The following ME2 variants were observed in gnomAD, a reference collection of about 807,000 sequenced individuals.
The protein encoded by ME2 is malic enzyme 2, also known as NAD-dependent malic enzyme, mitochondrial.
A neutral mutation model predicts 73.7 loss-of-function variants in ME2; 60 were observed. The ratio of observed to expected loss-of-function variants is 0.81; its 90% CI spans 0.66 to 1.01. ME2 has a LOEUF of 1.01. Ranked by LOEUF, ME2 falls within the 50% of genes least tolerant of loss-of-function variation. ME2 has a pLI of 0.00. For synonymous variants in ME2, 199 were observed against 236.9 expected, an observed-to-expected ratio of 0.84 and a Z score of 1.47; for missense variants, 594 against 705.5, an observed-to-expected ratio of 0.84 and a Z score of 1.79.
chr18:50,921,030 C>T (rs374921389), intron 9 of ME2, 44 bp from the exon 10 acceptor site: 1 of 929,732 alleles, frequency 1.1e-6, no homozygotes, highest in African/African-American at 1.7e-5. Context: ...TCAAGCATTG[C>T]ATCGTACTCT....
chr18:50,926,188 T>A (rs1917548185), intron 12 of ME2, among the ~76,000 whole-genome samples: 1 of 152,192 alleles, frequency 6.6e-6, no homozygotes, highest in Non-Finnish European at 1.5e-5. Flanking sequence ...TTATTCAGAT[T>A]TACCTACACT....
intron 2 of ME2, among the ~76,000 whole-genome samples, chr18:50,897,754 G>A (rs1916781351): frequency 6.6e-6 from 1 of 152,140 alleles, no homozygotes; most frequent in African/African-American, 2.4e-5. Context: ...CAGCTACTTG[G>A]GAGGCTGAGG....
At chr18:50,941,086 C>T (rs754500293) in intron 15 of ME2, among the ~76,000 whole-genome samples, 11 of 151,250 alleles carry the variant, frequency 7.3e-5, no homozygotes, top group East Asian at 2.0e-4. Flanking sequence ...GGTGAAACCC[C>T]GTCTCTACTA....
At chr18:50,884,923 C>T (rs780368484) in intron 1 of ME2, among the ~76,000 whole-genome samples, 6 of 152,004 alleles carry the variant, frequency 3.9e-5, no homozygotes, top group Non-Finnish European at 7.4e-5. Flanking sequence ...GGTGCAATCT[C>T]GGCTCACTGC....
Position 50,924,143 on chromosome 18 carries a change from T to C in ME2, c.1102T>C (p.Ser368Pro). 1 of 1,613,498 alleles carries C rather than the reference T, an allele frequency of 6.2e-7. No homozygotes were observed. Among genetic ancestry groups the C allele is most frequent in the Non-Finnish European group, 8.5e-7 (1 of 1,179,668 alleles). Residue 368 changes from serine (S) to proline (P), a missense_variant, in exon 11 of 16, where the codon TCA becomes CCA. Transcript: ENST00000321341. ...IDSYQEPFTH[S>P]APESIPDTFE... Reference sequence around the variant, plus strand: ...TAGTTATCAGGAACCATTTACTCACTCAGCCCCAGAGAGCATACCTGATAC... The same window carrying C: ...TAGTTATCAGGAACCATTTACTCACCCAGCCCCAGAGAGCATACCTGATAC...
chr18:50,926,970 A>G (rs887725530), intron 12 of ME2, among the ~76,000 whole-genome samples: 2 of 152,144 alleles, frequency 1.3e-5, no homozygotes, highest in African/African-American at 4.8e-5. Flanking sequence ...CTTCACCATC[A>G]GTGTTTGTCT....
chr18:50,883,295 C>G (rs1290484121), intron 1 of ME2, among the ~76,000 whole-genome samples: 2 of 152,194 alleles, frequency 1.3e-5, no homozygotes, highest in Non-Finnish European at 2.9e-5. Flanking sequence ...TGAGCTCTTT[C>G]TAGTGAACAG....
rs1278918280 is a variant in ME2, at chr18:50,925,915, G to C, written c.1314+17G>C. 5 of 1,548,660 alleles carry C rather than the reference G, an allele frequency of 3.2e-6. No individual in the cohort carries two copies. The highest frequency in any genetic ancestry group is 1.7e-4 in the Middle Eastern group (1 of 5,934). ...CTTACAGAGGTATTAATAATCACATGAATTGATATGTATATTATTTTCCCT... is the reference window on the plus strand; with the variant it reads ...CTTACAGAGGTATTAATAATCACATCAATTGATATGTATATTATTTTCCCT... On this transcript the variant is annotated intron_variant, in intron 12 of 15. Transcript: ENST00000321341.
chr18:50,921,291 AT>A, intron 10 of ME2, 104 bp downstream of exon 10: 1 of 567,358 alleles, frequency 1.8e-6, no homozygotes, highest in Admixed American at 3.8e-5. Flanking sequence ...GAGTCTCCAA[AT>A]TATACCAATT....
chr18:50,940,129 C>A, intron 14 of ME2, 159 bp from the exon 15 acceptor site: 1 of 604,062 alleles, frequency 1.7e-6, no homozygotes, highest in Non-Finnish European at 2.9e-6. Flanking sequence ...TAGTGATGAA[C>A]AGTTTTAATT....
Position 50,939,590 on chromosome 18 carries a change from C to T in ME2, c.1438C>T (p.Leu480Phe). ...TCTAGGTGTGGCTTTAGCTGTTATT[C>T]TCTGTAACACCCGGCATATTAGTGA... ...IFPGVALAVI[L>F]CNTRHISDSV... Residue 480 changes from leucine to phenylalanine, a missense_variant, in exon 14 of 16, where the codon CTC becomes TTC. Physicochemically the swap from Leu to Phe is conservative, Grantham distance 22 (BLOSUM62 0). Coordinates refer to ENST00000321341, the MANE Select transcript of ME2 (RefSeq NM_002396.5). 1 of 1,611,880 alleles carries T rather than the reference C, an allele frequency of 6.2e-7. No individual in the cohort carries two copies. Among genetic ancestry groups the T allele is most frequent in the Non-Finnish European group, 8.5e-7 (1 of 1,178,206 alleles).
chr18:50,902,083 T>G (rs1916904827), intron 2 of ME2, among the ~76,000 whole-genome samples: 1 of 152,188 alleles, frequency 6.6e-6, no homozygotes, highest in South Asian at 2.1e-4. Context: ...GAACCATAGA[T>G]TGCCAGAACT....
intron 15 of ME2, among the ~76,000 whole-genome samples, chr18:50,941,696 T>TG (rs398032814): frequency 4.8e-4 from 72 of 150,328 alleles, no homozygotes; most frequent in Middle Eastern, 6.8e-3. Flanking sequence ...TTTTTTTTTT[T>TG]GGGATAAATT....
intron 1 of ME2, among the ~76,000 whole-genome samples, chr18:50,893,220 A>G (rs1388502317): frequency 6.6e-6 from 1 of 151,900 alleles, no homozygotes; most frequent in Non-Finnish European, 1.5e-5. Context: ...AATAGTAATA[A>G]AGAGTGTATA....
chr18:50,891,516 C>T (rs1451336426), intron 1 of ME2, among the ~76,000 whole-genome samples: 1 of 152,134 alleles, frequency 6.6e-6, no homozygotes, highest in Non-Finnish European at 1.5e-5. Context: ...TAATTTATTC[C>T]ATAAGCACCT....
At chr18:50,946,481 G>A (rs143184173) in intron 15 of ME2, among the ~76,000 whole-genome samples, 70 of 152,300 alleles carry the variant, frequency 4.6e-4, no homozygotes, top group Non-Finnish European at 8.8e-4. Context: ...CTTGTCGAGA[G>A]TAAAGGAGGT....
intron 12 of ME2, among the ~76,000 whole-genome samples, chr18:50,927,227 G>A (rs1356339953): frequency 2.6e-5 from 4 of 152,222 alleles, no homozygotes; most frequent in South Asian, 4.1e-4. Context: ...GTGGCTCTAG[G>A]AAGTGATTTT....
Position 50,951,444 on chromosome 18 carries a change from G to A in ME2, c.*4260G>A, listed in dbSNP as rs990105155. On this transcript the variant is annotated 3_prime_UTR_variant, in exon 16 of 16. Coordinates refer to ENST00000321341, the MANE Select transcript of ME2 (RefSeq NM_002396.5). ...TCAAGCCCAGTCAGTATCCTTCAAG[G>A]ATAACTTTTTCATACCTTTTTTTTG... The A allele has an allele frequency of 6.6e-6, 1 of 151,958 alleles. No homozygotes were observed. Among genetic ancestry groups the A allele is most frequent in the African/African-American group, 2.4e-5 (1 of 41,350 alleles). The allele number at this position is 151,958 out of a possible 1,614,324, so 9.4% of individuals were successfully genotyped here.
chr18:50,894,146 A>G (rs182689245), intron 1 of ME2, among the ~76,000 whole-genome samples: 18 of 152,336 alleles, frequency 1.2e-4, no homozygotes, highest in African/African-American at 4.3e-4. Context: ...ACATCAAATC[A>G]CACTTGATTT....
Sources: allele counts gnomAD v4.1 joint callset (sites outside exome capture counted in the v4.1 genomes callset), GRCh38; gene constraint gnomAD v4.1.1; transcripts MANE v1.5; gene names NCBI Gene and HGNC (gene_info 2026-07-23, HGNC 2026-07-21).